The following PRKN variants were observed in gnomAD, a reference collection of about 807,000 sequenced individuals.
PRKN encodes E3 ubiquitin-protein ligase parkin.
A neutral mutation model predicts 59.5 loss-of-function variants in PRKN; 56 were observed. The observed-to-expected ratio is 0.94, with a 90% CI of 0.76 to 1.18. The LOEUF (loss-of-function observed/expected upper bound fraction) is 1.18, where lower values mean the gene tolerates loss of function less well. PRKN is among the 50% of genes most tolerant of loss of function. The pLI, the probability that PRKN is intolerant of heterozygous loss-of-function variation, is 0.00. For synonymous variants in PRKN, 250 were observed against 222.1 expected, an observed-to-expected ratio of 1.13 and a Z score of -1.12; for missense variants, 657 against 596.4, an observed-to-expected ratio of 1.10 and a Z score of -1.06.
At chr6:161,983,906 TAAAA>T (rs767783163) in intron 5 of PRKN, among the ~76,000 whole-genome samples, 1 of 117,288 alleles carries the variant, frequency 8.5e-6, no homozygotes, top group African/African-American at 3.5e-5. Flanking sequence ...TAGAGTATAA[TAAAA>T]AAAAAAAAAA....
chr6:162,585,515 TACAA>T (rs1781007051), intron 1 of PRKN, among the ~76,000 whole-genome samples: 2 of 152,198 alleles, frequency 1.3e-5, no homozygotes, highest in Non-Finnish European at 1.5e-5. Context: ...CATTAGTGTT[TACAA>T]ACATTCTTCA....
intron 2 of PRKN, among the ~76,000 whole-genome samples, chr6:162,425,037 A>G (rs1315252872): frequency 1.3e-5 from 2 of 150,240 alleles, no homozygotes; most frequent in Non-Finnish European, 3.0e-5. Flanking sequence ...CTAGAAAACC[A>G]ATGACTTTCG....
chr6:161,994,465 T>C (rs1456659512), intron 5 of PRKN, among the ~76,000 whole-genome samples: 1 of 152,008 alleles, frequency 6.6e-6, no homozygotes, highest in Non-Finnish European at 1.5e-5. Flanking sequence ...GTACTGAAAG[T>C]ACTAGCCAAG....
At chr6:162,431,789 G>A (rs939032291) in intron 2 of PRKN, among the ~76,000 whole-genome samples, 2 of 152,068 alleles carry the variant, frequency 1.3e-5, no homozygotes, top group African/African-American at 2.4e-5. Context: ...AGTCAAGCAG[G>A]AAACCCTAAA....
At chr6:162,035,448 A>G (rs1039539574) in intron 5 of PRKN, among the ~76,000 whole-genome samples, 2 of 152,226 alleles carry the variant, frequency 1.3e-5, no homozygotes, top group Non-Finnish European at 2.9e-5. Context: ...ATAACTTGCC[A>G]TTATATGATC....
At chr6:162,393,155 C>CTTTTTTTTTTTTTTGTT (rs1787293023) in intron 2 of PRKN, among the ~76,000 whole-genome samples, 1 of 80,190 alleles carries the variant, frequency 1.2e-5, no homozygotes, top group African/African-American at 5.4e-5. Context: ...ATAGGAGATT[C>CTTTTTTTTTTTTTTGTT]TTTTTTTTTT....
chr6:162,525,197 C>T (rs933807798), intron 1 of PRKN, among the ~76,000 whole-genome samples: 1 of 152,104 alleles, frequency 6.6e-6, no homozygotes, highest in Non-Finnish European at 1.5e-5. Flanking sequence ...TGAGGAACTC[C>T]CTCCACCAAG....
intron 4 of PRKN, among the ~76,000 whole-genome samples, chr6:162,062,675 G>A (rs998063520): frequency 5.3e-5 from 8 of 152,104 alleles, no homozygotes; most frequent in African/African-American, 1.9e-4. Context: ...GCTGACACAC[G>A]TTGATCTCGA....
At chr6:161,830,010 C>T (rs961438671) in intron 6 of PRKN, among the ~76,000 whole-genome samples, 2 of 152,158 alleles carry the variant, frequency 1.3e-5, no homozygotes, top group African/African-American at 2.4e-5. Flanking sequence ...GCTTCGGCTA[C>T]ACTGGCCCCT....
At chr6:161,852,831 C>T (rs1316693243) in intron 6 of PRKN, among the ~76,000 whole-genome samples, 1 of 152,040 alleles carries the variant, frequency 6.6e-6, no homozygotes, top group Admixed American at 6.6e-5. Flanking sequence ...TGAGAAAGAA[C>T]AGTTTTGGTT....
intron 6 of PRKN, among the ~76,000 whole-genome samples, chr6:161,946,928 A>T (rs1329942873): frequency 6.6e-6 from 1 of 152,202 alleles, no homozygotes; most frequent in Non-Finnish European, 1.5e-5. Context: ...AAATGTAAAA[A>T]GCGCGTTGCA....
chr6:162,234,774 T>C (rs6902667), intron 3 of PRKN, among the ~76,000 whole-genome samples: 20,448 of 152,272 alleles, frequency 0.13, 1,516 homozygotes, highest in South Asian at 0.26. Flanking sequence ...GGGCAGACTG[T>C]GGTGACAGAC....
chr6:162,630,249 AC>A (rs1398642106), intron 1 of PRKN, among the ~76,000 whole-genome samples: 1 of 152,188 alleles, frequency 6.6e-6, no homozygotes, highest in Non-Finnish European at 1.5e-5. Context: ...TTAACTACCA[AC>A]TATAAATTCT....
intron 1 of PRKN, among the ~76,000 whole-genome samples, chr6:162,588,840 C>T (rs1265496419): frequency 2.0e-5 from 3 of 152,168 alleles, no homozygotes; most frequent in Non-Finnish European, 4.4e-5. Context: ...CGTGAGCCAC[C>T]GCGCCCGGCC....
At chr6:162,302,711 T>G (rs1388068085) in intron 2 of PRKN, among the ~76,000 whole-genome samples, 1 of 151,982 alleles carries the variant, frequency 6.6e-6, no homozygotes, top group Non-Finnish European at 1.5e-5. Flanking sequence ...TCTATCTATG[T>G]TATGCCAAAA....
At chr6:161,906,744 T>C (rs987207109) in intron 6 of PRKN, among the ~76,000 whole-genome samples, 1 of 150,298 alleles carries the variant, frequency 6.7e-6, no homozygotes, top group Non-Finnish European at 1.5e-5. Context: ...AAGCCAGTCC[T>C]AGTCACAAAA....
At chr6:162,216,738 A>ATGAGTG (rs1777689862) in intron 3 of PRKN, among the ~76,000 whole-genome samples, 1 of 152,118 alleles carries the variant, frequency 6.6e-6, no homozygotes, top group Admixed American at 6.5e-5. Flanking sequence ...TTTGATGAAC[A>ATGAGTG]GCCACTCACG....
At chr6:162,055,760 G>C (rs1258178684) in intron 4 of PRKN, among the ~76,000 whole-genome samples, 1 of 152,088 alleles carries the variant, frequency 6.6e-6, no homozygotes, top group East Asian at 1.9e-4. Context: ...TAAGTTGTAG[G>C]AGCTAAATCG....
At chr6:162,478,022 C>A (rs541329135) in intron 1 of PRKN, among the ~76,000 whole-genome samples, 1 of 152,122 alleles carries the variant, frequency 6.6e-6, no homozygotes, top group South Asian at 2.1e-4. Flanking sequence ...AGCACAGGGT[C>A]CTAGAGCGCA....
Sources: allele counts gnomAD v4.1 joint callset (sites outside exome capture counted in the v4.1 genomes callset), GRCh38; gene constraint gnomAD v4.1.1; transcripts MANE v1.5; gene names NCBI Gene and HGNC (gene_info 2026-07-23, HGNC 2026-07-21).